Variants in NLGN1 observed in about 807,000 individuals in gnomAD.
NLGN1 encodes neuroligin 1.
In NLGN1, 12 loss-of-function variants were observed where a neutral mutation model predicts 65.5. That is an observed-to-expected ratio of 0.18 (90% CI 0.12 to 0.30). NLGN1 has a LOEUF of 0.30. NLGN1 is among the 10% of genes least tolerant of loss of function. The probability of loss-of-function intolerance (pLI) is 1.00; values close to 1 mark genes in which losing one functional copy is unlikely to be tolerated. For synonymous variants in NLGN1, 350 were observed against 359.5 expected (o/e 0.97, Z 0.30); for missense variants, 750 against 1,007.1 (o/e 0.74, Z 3.46).
chr3:173,565,993 C>G (rs1189486138), intron 2 of NLGN1, among the ~76,000 whole-genome samples: 1 of 152,100 alleles, frequency 6.6e-6, no homozygotes, highest in Non-Finnish European at 1.5e-5. Context: ...TATGTTCATC[C>G]TCTTGAAACT....
intron 2 of NLGN1, among the ~76,000 whole-genome samples, chr3:173,490,983 G>A (rs995965924): frequency 6.6e-6 from 1 of 151,914 alleles, no homozygotes; most frequent in African/African-American, 2.4e-5. Context: ...ATCAGCTTAA[G>A]GAGATTTTGG....
At chr3:173,437,805 G>GCA (rs146630986) in intron 2 of NLGN1, among the ~76,000 whole-genome samples, 7 of 150,956 alleles carry the variant, frequency 4.6e-5, no homozygotes, top group Admixed American at 3.3e-4. Flanking sequence ...ACACAGATAT[G>GCA]CACACACACA....
Position 174,027,001 on chromosome 3 carries a change from G to C in NLGN1, c.646+219169G>C, listed in dbSNP as rs1728967756. The stretch of plus-strand genomic sequence containing the variant: ...AAGATTGATTGTCTTGGGTGTTCAA[G>C]GACAACACAGCTAGACGTATAAGCC... On this transcript the variant is annotated intron_variant, in intron 4 of 6. Transcript: ENST00000457714. Among the ~76,000 whole-genome samples the C allele has an allele frequency of 2.0e-5, 3 of 150,756 alleles. No individual in the cohort carries two copies. In the South Asian group the frequency reaches 6.3e-4, roughly 31 times the overall value.
At chr3:174,284,246 C>T (rs557243429) in exon 7 of NLGN1, 19 of 151,380 alleles carry the variant, frequency 1.3e-4, no homozygotes, top group African/African-American at 4.1e-4. Context: ...GTGTTAGTTG[C>T]TAGTTTTATA....
At chr3:174,033,034 A>G (rs1293513052) in intron 4 of NLGN1, among the ~76,000 whole-genome samples, 2 of 152,066 alleles carry the variant, frequency 1.3e-5, no homozygotes, top group Non-Finnish European at 2.9e-5. Context: ...ATGTCTATAT[A>G]TATCTAGAGA....
intron 4 of NLGN1, among the ~76,000 whole-genome samples, chr3:173,884,206 C>A (rs1733904459): frequency 6.6e-6 from 1 of 151,934 alleles, no homozygotes; most frequent in Non-Finnish European, 1.5e-5. Flanking sequence ...GACAAGAATT[C>A]TCTGGGGGAG....
At chr3:174,150,012 A>G (rs1241949617) in intron 4 of NLGN1, among the ~76,000 whole-genome samples, 1 of 152,162 alleles carries the variant, frequency 6.6e-6, no homozygotes, top group Non-Finnish European at 1.5e-5. Flanking sequence ...ACATTTTACT[A>G]CTTTTCCCTG....
intron 2 of NLGN1, among the ~76,000 whole-genome samples, chr3:173,449,377 G>A (rs1233233616): frequency 6.6e-6 from 1 of 152,072 alleles, no homozygotes; most frequent in Non-Finnish European, 1.5e-5. Flanking sequence ...GCGGTTTTGA[G>A]TGAGTTTCTT....
chr3:173,428,549 A>T (rs962502858), intron 1 of NLGN1, among the ~76,000 whole-genome samples: 3 of 151,982 alleles, frequency 2.0e-5, no homozygotes, highest in African/African-American at 7.2e-5. Flanking sequence ...GAAAAAAATG[A>T]TTCAATTTCC....
chr3:174,172,668 T>C (rs6771925), intron 4 of NLGN1, among the ~76,000 whole-genome samples: 49,057 of 152,024 alleles, frequency 0.32, 9,336 homozygotes, highest in Non-Finnish European at 0.43. Context: ...TATTTTCTAC[T>C]GGGTCTATGT....
chr3:173,595,918 TG>T (rs952636289), intron 2 of NLGN1, among the ~76,000 whole-genome samples: 1 of 152,206 alleles, frequency 6.6e-6, no homozygotes, highest in Non-Finnish European at 1.5e-5. Context: ...TATCTCCCAC[TG>T]GGTCTGTCCC....
At chr3:173,602,830 T>A (rs1250313292) in intron 2 of NLGN1, among the ~76,000 whole-genome samples, 1 of 152,038 alleles carries the variant, frequency 6.6e-6, no homozygotes, top group African/African-American at 2.4e-5. Flanking sequence ...ATATACACTT[T>A]ACAGAAATGG....
intron 2 of NLGN1, among the ~76,000 whole-genome samples, chr3:173,521,788 T>C (rs1431440823): frequency 6.6e-6 from 1 of 152,246 alleles, no homozygotes; most frequent in African/African-American, 2.4e-5. Context: ...TACTATGAGG[T>C]ATATTCTACA....
intron 4 of NLGN1, among the ~76,000 whole-genome samples, chr3:174,033,721 G>A (rs1038411251): frequency 3.9e-5 from 6 of 152,138 alleles, no homozygotes; most frequent in Non-Finnish European, 8.8e-5. Flanking sequence ...AAGAATCAAT[G>A]AGCAGGAAGA....
rs34786560 is a variant in NLGN1 at position 173,804,657 on chromosome 3, CAA to C, written c.494-3009_494-3008del. 2.1e-3 allele frequency among the ~76,000 whole-genome samples: 295 copies of C among 138,032 alleles called. 2 individuals are homozygous for C. The highest frequency in any genetic ancestry group is 7.3e-3 in the African/African-American group (276 of 37,696). 90.6% of individuals were successfully genotyped at this position (138,032 alleles called of 152,430 possible). The stretch of plus-strand genomic sequence containing the variant: ...AGAGCCTTTAGATTGCTATTTACAT[CAA>C]AAAAAAAAAAAAACCCTATAAACTA... On this transcript the variant is annotated intron_variant, in intron 3 of 6. Transcript: ENST00000457714.
chr3:173,991,972 T>C (rs910115522), intron 4 of NLGN1, among the ~76,000 whole-genome samples: 1 of 152,058 alleles, frequency 6.6e-6, no homozygotes, highest in Admixed American at 6.6e-5. Flanking sequence ...GGATTACAGG[T>C]GCCAGCCACC....
chr3:174,141,785 G>A (rs1456277402), intron 4 of NLGN1, among the ~76,000 whole-genome samples: 1 of 151,994 alleles, frequency 6.6e-6, no homozygotes. Flanking sequence ...AAATTAATAA[G>A]GTCATTTCAG....
chr3:173,512,664 T>C (rs1209641004), intron 2 of NLGN1, among the ~76,000 whole-genome samples: 1 of 152,178 alleles, frequency 6.6e-6, no homozygotes, highest in East Asian at 1.9e-4. Context: ...CACACAGGGA[T>C]GGAAGTTCTC....
At chr3:173,959,724 T>G (rs1351869169) in intron 4 of NLGN1, among the ~76,000 whole-genome samples, 2 of 152,214 alleles carry the variant, frequency 1.3e-5, no homozygotes, top group Non-Finnish European at 2.9e-5. Context: ...GTCTGAAATT[T>G]TTAATTTATT....
Sources: allele counts gnomAD v4.1 joint callset (sites outside exome capture counted in the v4.1 genomes callset), GRCh38; gene constraint gnomAD v4.1.1; transcripts MANE v1.5; gene names NCBI Gene and HGNC (gene_info 2026-07-23, HGNC 2026-07-21).